TDRD1: variants seen among roughly 807,000 people sequenced by gnomAD.
TDRD1 encodes the protein tudor domain containing 1.
In TDRD1, 37 loss-of-function variants were observed where a neutral mutation model predicts 140.6. The observed-to-expected ratio is 0.26, with a 90% CI of 0.20 to 0.35. The LOEUF is 0.35. TDRD1 is among the 10% of genes least tolerant of loss of function. The pLI is 1.00. For synonymous variants in TDRD1, 506 were observed against 475.7 expected (o/e 1.06, Z -0.83); for missense variants, 1,243 against 1,393.0 (o/e 0.89, Z 1.71).
intron 1 of TDRD1, among the ~76,000 whole-genome samples, chr10:114,182,683 C>T (rs963168767): frequency 6.8e-6 from 1 of 146,784 alleles, no homozygotes; most frequent in Non-Finnish European, 1.5e-5. Flanking sequence ...TTTTATCATA[C>T]GAATATCTTT....
At position 114,218,427 on chromosome 10, in the gene TDRD1, G is replaced by A. The variant is rs1321227600; in HGVS notation, c.2337G>A (p.Trp779Ter). Reference sequence around the variant, plus strand: ...TGTTAAACCTAGGTGATGGTAGTTGGTATCGTGCTTTAGTCAAGGAAATCT... The same window carrying A: ...TGTTAAACCTAGGTGATGGTAGTTGATATCGTGCTTTAGTCAAGGAAATCT... The change falls in exon 18 of 26, where the codon TGG becomes TGA. Residue 779 changes from tryptophan to a stop codon, truncating the protein, a stop_gained. Coordinates refer to ENST00000251864, the Ensembl canonical transcript of TDRD1. LOFTEE classifies it high-confidence loss of function. The A allele has an allele frequency of 6.3e-7, 1 of 1,590,446 alleles. No individual in the cohort carries two copies. Among genetic ancestry groups the A allele is most frequent in the Non-Finnish European group, 8.6e-7 (1 of 1,167,070 alleles).
intron 3 of TDRD1, among the ~76,000 whole-genome samples, chr10:114,198,233 G>A (rs2034500419): frequency 6.6e-6 from 1 of 152,138 alleles, no homozygotes; most frequent in South Asian, 2.1e-4. Context: ...TGAAGGAGAG[G>A]GTATTAGGAG....
intron 16 of TDRD1, among the ~76,000 whole-genome samples, chr10:114,215,682 A>G (rs2035774404): frequency 6.6e-6 from 1 of 152,210 alleles, no homozygotes; most frequent in South Asian, 2.1e-4. Context: ...TTCATTCAGA[A>G]TCATCTGGTT....
intron 3 of TDRD1, among the ~76,000 whole-genome samples, chr10:114,191,325 A>G (rs1287244412): frequency 1.3e-5 from 2 of 152,116 alleles, no homozygotes; most frequent in Non-Finnish European, 2.9e-5. Flanking sequence ...TTCCATCACT[A>G]CAAGGGTCCC....
upstream of TDRD1, among the ~76,000 whole-genome samples, chr10:114,177,421 C>G (rs2032716535): frequency 6.6e-6 from 1 of 152,124 alleles, no homozygotes; most frequent in Non-Finnish European, 1.5e-5. Context: ...GCATTTTTAC[C>G]TCTGTGGTCT....
intron 21 of TDRD1, among the ~76,000 whole-genome samples, chr10:114,223,717 G>A (rs2036279688): frequency 6.6e-6 from 1 of 151,882 alleles, no homozygotes; most frequent in Non-Finnish European, 1.5e-5. Flanking sequence ...GCTGTGTAGT[G>A]TATTACAATT....
chr10:114,177,666 C>T (rs2032727803), upstream of TDRD1, among the ~76,000 whole-genome samples: 2 of 152,000 alleles, frequency 1.3e-5, no homozygotes, highest in African/African-American at 4.8e-5. Context: ...TAGGTAAAAA[C>T]GAAGGAAATC....
intron 4 of TDRD1, among the ~76,000 whole-genome samples, chr10:114,199,717 G>A (rs796100662): frequency 5.3e-5 from 8 of 152,332 alleles, no homozygotes; most frequent in African/African-American, 1.7e-4. Context: ...ATCATACAGC[G>A]TGGACTCTTT....
chr10:114,181,705 C>T lies in TDRD1; in HGVS notation c.-7+2289C>T, dbSNP rs1452944495. Among the ~76,000 whole-genome samples, 7 of 151,918 alleles carry T rather than the reference C, an allele frequency of 4.6e-5. No individual in the cohort carries two copies. In the East Asian group the frequency reaches 5.8e-4, roughly 13 times the overall value. ...ACTAAAAATACAAAAATTAGCCGGG[C>T]GTGATGGGGCATGCCTGTAGTCCCA... On this transcript the variant is annotated intron_variant, in intron 1 of 25. Transcript: ENST00000251864.
intron 23 of TDRD1, 112 bp from the exon 24 acceptor site, chr10:114,227,798 G>A (rs775077108): frequency 1.1e-5 from 9 of 787,630 alleles, no homozygotes; most frequent in Non-Finnish European, 1.9e-5. Context: ...CCAGGTCTTT[G>A]TAGTCGGAAC....
intron 1 of TDRD1, among the ~76,000 whole-genome samples, chr10:114,187,098 C>T (rs985587756): frequency 8.5e-5 from 13 of 152,204 alleles, no homozygotes; most frequent in Non-Finnish European, 2.9e-5. Flanking sequence ...AAGCCACCAT[C>T]TTTTGTGGAT....
rs754572469 is a variant in TDRD1 at position 114,211,904 on chromosome 10, G to A, written c.1699G>A (p.Ala567Thr). ...GTACCGTGCCTCTGTTTTGGCTTAC[G>A]CTTCTGAAGAATCTGTACTGGTCGG... The change falls in exon 14 of 26, where the codon GCT (alanine) becomes ACT (threonine). Residue 567 changes from alanine to threonine, a missense_variant. Physicochemically the swap from Ala to Thr is moderately conservative, Grantham distance 58 (BLOSUM62 0). Around this residue, in one of 5 missense-constraint regions of TDRD1, gnomAD observed 601 missense variants for 734.7 expected, o/e 0.82. Coordinates refer to ENST00000251864, the Ensembl canonical transcript of TDRD1. The A allele has an allele frequency of 1.7e-5, 27 of 1,589,822 alleles. No homozygotes were observed. The African/African-American group carries it at 2.2e-4, about 13-fold the overall frequency.
rs557835103 is a variant in TDRD1 at position 114,217,315 on chromosome 10, T to A, written c.2213-230T>A. 1.5e-3 allele frequency among the ~76,000 whole-genome samples: 225 copies of A among 152,324 alleles called. 1 individual carries two copies. Among genetic ancestry groups the A allele is most frequent in the Middle Eastern group, 0.01 (3 of 294 alleles). On this transcript the variant is annotated intron_variant, in intron 16 of 25. Transcript: ENST00000251864. The stretch of plus-strand genomic sequence containing the variant: ...TACTGATAATCATGCTGTAATTGTT[T>A]CTTTTTGCCCAGTAAATCGTTGGTG...
intron 3 of TDRD1, among the ~76,000 whole-genome samples, chr10:114,196,344 T>C (rs2034346798): frequency 6.6e-6 from 1 of 152,250 alleles, no homozygotes; most frequent in Non-Finnish European, 1.5e-5. Flanking sequence ...AAGCTACTGG[T>C]AACAAATTCT....
intron 20 of TDRD1, 95 bp downstream of exon 20, chr10:114,221,571 AAG>A: frequency 3.3e-6 from 4 of 1,210,852 alleles, no homozygotes; most frequent in Non-Finnish European, 4.7e-6. Flanking sequence ...GAAGGGGAGA[AAG>A]AGGCTCACTG....
chr10:114,197,250 T>G (rs2034427381), intron 3 of TDRD1, among the ~76,000 whole-genome samples: 1 of 152,142 alleles, frequency 6.6e-6, no homozygotes, highest in Non-Finnish European at 1.5e-5. Flanking sequence ...CCTGAGACTA[T>G]TCATTTATTA....
At chr10:114,199,259 C>G (rs763299769) in exon 4 of TDRD1, 1 of 1,614,038 alleles carries the variant, frequency 6.2e-7, no homozygotes, top group Admixed American at 1.7e-5. Context: ...ATCCAGGGCT[C>G]TTCACCTCCT....
At chr10:114,221,003 ACATT>A (rs1203694743) in intron 19 of TDRD1, among the ~76,000 whole-genome samples, 160 bp downstream of exon 19, 1 of 152,234 alleles carries the variant, frequency 6.6e-6, no homozygotes, top group Non-Finnish European at 1.5e-5. Flanking sequence ...TATTGAACAA[ACATT>A]CATTTCAATG....
At chr10:114,206,147 C>A in intron 10 of TDRD1, 97 bp from the exon 11 acceptor site, 1 of 871,176 alleles carries the variant, frequency 1.1e-6, no homozygotes, top group Non-Finnish European at 1.8e-6. Context: ...TAGCTATGAA[C>A]GTGTGTTGTA....
Sources: allele counts gnomAD v4.1 joint callset (sites outside exome capture counted in the v4.1 genomes callset), GRCh38; gene constraint gnomAD v4.1.1; regional missense constraint gnomAD v4.1.1; transcripts MANE v1.5; gene names NCBI Gene and HGNC (gene_info 2026-07-23, HGNC 2026-07-21).